The following NNAT variants were observed in gnomAD, a reference collection of about 807,000 sequenced individuals.
NNAT encodes the protein neuronatin.
A neutral mutation model predicts 12.7 loss-of-function variants in NNAT; 8 were observed. The ratio of observed to expected loss-of-function variants is 0.63; its 90% CI spans 0.37 to 1.14. NNAT has a LOEUF of 1.14. Ranked by LOEUF, NNAT falls within the 50% of genes most tolerant of loss-of-function variation. The pLI, the probability that NNAT is intolerant of heterozygous loss-of-function variation, is 0.01. For synonymous variants in NNAT, 52 were observed against 48.5 expected (o/e 1.07, Z -0.30); for missense variants, 94 against 108.3 (o/e 0.87, Z 0.59).
rs1451844191 is a variant in NNAT at position 37,522,458 on chromosome 20, C to A, written c.153+20C>A. On this transcript the variant is annotated intron_variant, in intron 2 of 2. Coordinates refer to ENST00000649451, the MANE Select transcript of NNAT (RefSeq NM_005386.4). Reference sequence around the variant, plus strand: ...AGTGAGGTATACCTAAGTTGTGGGTCCAATCAGCTTGCCGCCATGCAGCTC... The same window carrying A: ...AGTGAGGTATACCTAAGTTGTGGGTACAATCAGCTTGCCGCCATGCAGCTC... 6.2e-7 allele frequency: 1 copy of A among 1,606,758 alleles called. No individual in the cohort carries two copies. Among genetic ancestry groups the A allele is most frequent in the East Asian group, 2.2e-5 (1 of 44,802 alleles).
rs1277192421 is a variant in NNAT at position 37,521,576 on chromosome 20, G to A, written c.72+173G>A. The A allele has an allele frequency of 9.0e-6, 6 of 666,790 alleles. No homozygotes were observed. Among genetic ancestry groups the A allele is most frequent in the South Asian group, 1.8e-5 (1 of 56,818 alleles). 41.3% of individuals were successfully genotyped at this position (666,790 alleles called of 1,614,324 possible). On this transcript the variant is annotated intron_variant, in intron 1 of 2. Coordinates refer to ENST00000649451, the MANE Select transcript of NNAT (RefSeq NM_005386.4). This position sits in a 1 kb window ranked among gnomAD's most constrained non-coding sequence, Gnocchi z 4.5. ...GCGCCCCCTGCCCATTCCCTGCGCC[G>A]TCCTCCTCGCGCTGACCCTCCCTAG... is the stretch of plus-strand genomic sequence containing the variant.
rs1601091813 is a variant in NNAT at position 37,521,699 on chromosome 20, C to T, written c.72+296C>T. ...TTAGCGACCTACGCGGTAAGAAAAA[C>T]CCGCTACACCCGGACTCGACCCCAG... On this transcript the variant is annotated intron_variant, in intron 1 of 2. Transcript: ENST00000649451. The surrounding 1 kb of genome is among the most constrained non-coding windows in gnomAD (Gnocchi z 4.5). 1 of 383,948 alleles carries T rather than the reference C, an allele frequency of 2.6e-6. No homozygotes were observed. The highest frequency in any genetic ancestry group is 5.3e-5 in the East Asian group (1 of 19,046). 23.8% of individuals were successfully genotyped at this position (383,948 alleles called of 1,614,324 possible). A position where few individuals can be genotyped will look rare whatever the true frequency, so the allele number is the denominator to read the frequency against.
rs1188321079 is a variant in NNAT, at chr20:37,522,720, G to C, written c.207G>C (p.Arg69=). The change falls in exon 3 of 3, where the codon CGG becomes CGC. Residue 69 remains arginine (R), a synonymous_variant. Transcript: ENST00000649451. ...CATACACGGTGTCGCGGACCGGGCG[G>C]CAGGTGTTGGGGGAGCGCAGGCAGC... ...KLAYTVSRTG[R]QVLGERRQRA... is the part of the protein sequence containing the mutation. 8.1e-6 allele frequency: 13 copies of C among 1,611,646 alleles called. No homozygotes were observed. In the Admixed American group the frequency reaches 1.5e-4, roughly 19 times the overall value.
Position 37,522,944 on chromosome 20 carries a change from C to A in NNAT, c.*185C>A. On this transcript the variant is annotated 3_prime_UTR_variant, in exon 3 of 3. Coordinates refer to ENST00000649451, the MANE Select transcript of NNAT (RefSeq NM_005386.4). ...AGCAGTACCGACAATGACGAAGATA[C>A]CAGATCCCTTCCCAACCCCTTTGCA... is the stretch of plus-strand genomic sequence containing the variant. 1.7e-6 allele frequency: 1 copy of A among 580,258 alleles called. No individual in the cohort carries two copies. The highest frequency in any genetic ancestry group is 2.9e-5 in the East Asian group (1 of 34,840). 35.9% of individuals were successfully genotyped at this position (580,258 alleles called of 1,614,324 possible).
chr20:37,521,402 AG>A lies in NNAT; in HGVS notation c.72+1del. On this transcript the variant is annotated frameshift_variant and splice_region_variant, in exon 1 of 3. Transcript: ENST00000649451. LOFTEE classifies it high-confidence loss of function. The surrounding 1 kb of genome is among the most constrained non-coding windows in gnomAD (Gnocchi z 4.5). ...IGWYIFRVLL[Q>X]VFLECCIYWV... ...TGGTACATCTTCCGCGTGCTGCTGCAGGTAAGTCTGACGGGGTTTCGGGTGG... is the reference window on the plus strand; with the variant it reads ...TGGTACATCTTCCGCGTGCTGCTGCAGTAAGTCTGACGGGGTTTCGGGTGG... 6.2e-7 allele frequency: 1 copy of A among 1,614,082 alleles called. No individual in the cohort carries two copies. Among genetic ancestry groups the A allele is most frequent in the Middle Eastern group, 1.7e-4 (1 of 6,060 alleles).
chr20:37,522,739 A>C lies in NNAT; in HGVS notation c.226A>C (p.Arg76=), dbSNP rs780016304. 6.2e-7 allele frequency: 1 copy of C among 1,607,568 alleles called. No homozygotes were observed. The highest frequency in any genetic ancestry group is 1.1e-5 in the South Asian group (1 of 90,156). ...RTGRQVLGER[R]QRAPN is the part of the protein sequence containing the mutation. ...CGGGCGGCAGGTGTTGGGGGAGCGC[A>C]GGCAGCGAGCCCCCAACTGAGGCCC... The change falls in exon 3 of 3, where the codon AGG becomes CGG. Residue 76 remains arginine (R), a synonymous_variant. Coordinates refer to ENST00000649451, the MANE Select transcript of NNAT (RefSeq NM_005386.4).
chr20:37,522,242 A>T (rs1054402686), intron 1 of NNAT, 116 bp from the exon 2 acceptor site: 4 of 587,062 alleles, frequency 6.8e-6, no homozygotes, highest in Non-Finnish European at 1.2e-5. Context: ...GTAAAAAGAG[A>T]TAAATCAGAA....
At position 37,521,750 on chromosome 20, in the gene NNAT, G is replaced by T. The variant is rs2071583401; in HGVS notation, c.72+347G>T. On this transcript the variant is annotated intron_variant, in intron 1 of 2. Transcript: ENST00000649451. The surrounding 1 kb of genome is among the most constrained non-coding windows in gnomAD (Gnocchi z 4.5). ...GAGGGAGGCGGGGCACTACTGTGTTGAAAGACTTTACAGCTCGCAGAGTGA... is the reference window on the plus strand; with the variant it reads ...GAGGGAGGCGGGGCACTACTGTGTTTAAAGACTTTACAGCTCGCAGAGTGA... The T allele has an allele frequency of 1.3e-5, 3 of 227,932 alleles. No individual in the cohort carries two copies. In the Admixed American group the frequency reaches 1.6e-4, roughly 12 times the overall value. The allele number at this position is 227,932 out of a possible 1,614,324, so 14.1% of individuals were successfully genotyped here.
chr20:37,522,916 A>G lies in NNAT; in HGVS notation c.*157A>G, dbSNP rs948388280. On this transcript the variant is annotated 3_prime_UTR_variant, in exon 3 of 3. Coordinates refer to ENST00000649451, the MANE Select transcript of NNAT (RefSeq NM_005386.4). Reference sequence around the variant, plus strand: ...CAGTGAGGGGCCAGTAGACCCCCGGAGAAGCAGTACCGACAATGACGAAGA... The same window carrying G: ...CAGTGAGGGGCCAGTAGACCCCCGGGGAAGCAGTACCGACAATGACGAAGA... 34 of 610,810 alleles carry G rather than the reference A, an allele frequency of 5.6e-5. No individual in the cohort carries two copies. The highest frequency in any genetic ancestry group is 5.4e-5 in the Non-Finnish European group (19 of 351,586). 37.8% of individuals were successfully genotyped at this position (610,810 alleles called of 1,614,324 possible). A position where few individuals can be genotyped will look rare whatever the true frequency, so the allele number is the denominator to read the frequency against.
chr20:37,522,281 C>A, intron 1 of NNAT, 77 bp from the exon 2 acceptor site: 1 of 1,196,240 alleles, frequency 8.4e-7, no homozygotes. Context: ...AAATCATTTA[C>A]CCTAAAAGCT....
rs779906209 is a variant in NNAT at position 37,522,733 on chromosome 20, G to A, written c.220G>A (p.Glu74Lys). The stretch of plus-strand genomic sequence containing the variant: ...GCGGACCGGGCGGCAGGTGTTGGGG[G>A]AGCGCAGGCAGCGAGCCCCCAACTG... ...VSRTGRQVLG[E>K]RRQRAPN Residue 74 changes from glutamate (E) to lysine (K), a missense_variant, in exon 3 of 3, where the codon GAG (glutamate) becomes AAG (lysine). Glu to Lys is a moderately conservative substitution (Grantham distance 56, BLOSUM62 1). Coordinates refer to ENST00000649451, the MANE Select transcript of NNAT (RefSeq NM_005386.4). 2.9e-5 allele frequency: 47 copies of A among 1,609,756 alleles called. 1 individual carries two copies. In the Admixed American group the frequency reaches 7.5e-4, roughly 26 times the overall value.
Position 37,522,396 on chromosome 20 carries a change from T to C in NNAT, c.111T>C (p.Ala37=), listed in dbSNP as rs1214970712. Residue 37 remains alanine (A), a synonymous_variant, in exon 2 of 3, where the codon GCT becomes GCC. Coordinates refer to ENST00000649451, the MANE Select transcript of NNAT (RefSeq NM_005386.4). The stretch of plus-strand genomic sequence containing the variant: ...GCTGCATTTACTGGGTAGGATTCGC[T>C]TTTCGAAATCCTCCAGGGACACAGC... The part of the protein sequence containing the change: ...LECCIYWVGF[A]FRNPPGTQPI... 1.2e-6 allele frequency: 2 copies of C among 1,613,900 alleles called. No homozygotes were observed. The highest frequency in any genetic ancestry group is 3.3e-5 in the Admixed American group (2 of 59,994).
chr20:37,521,277 C>G lies in NNAT; in HGVS notation c.-55C>G. 1.3e-6 allele frequency: 2 copies of G among 1,581,840 alleles called. No homozygotes were observed. The highest frequency in any genetic ancestry group is 8.7e-7 in the Non-Finnish European group (1 of 1,151,076). ...TGCGCCCAACAGCGGACTCCGAGAC[C>G]AGCGGATCTCGGCAAACCCTCTTTC... On this transcript the variant is annotated 5_prime_UTR_variant, in exon 1 of 3. Transcript: ENST00000649451. This position sits in a 1 kb window ranked among gnomAD's most constrained non-coding sequence, Gnocchi z 4.5.
In NNAT at chr20:37,521,256, C is replaced by G; in HGVS notation, c.-76C>G. Reference sequence around the variant, plus strand: ...CGGCCACCGCGGCTGCGGCAGTGCGCCCAACAGCGGACTCCGAGACCAGCG... The same window carrying G: ...CGGCCACCGCGGCTGCGGCAGTGCGGCCAACAGCGGACTCCGAGACCAGCG... On this transcript the variant is annotated 5_prime_UTR_variant, in exon 1 of 3. Transcript: ENST00000649451. This position sits in a 1 kb window ranked among gnomAD's most constrained non-coding sequence, Gnocchi z 4.5. The G allele has an allele frequency of 6.7e-7, 1 of 1,502,322 alleles. No homozygotes were observed. The highest frequency in any genetic ancestry group is 1.7e-5 in the Admixed American group (1 of 59,668). 93.1% of individuals were successfully genotyped at this position (1,502,322 alleles called of 1,614,324 possible). A position where few individuals can be genotyped will look rare whatever the true frequency, so the allele number is the denominator to read the frequency against.
Position 37,521,438 on chromosome 20 carries a change from C to A in NNAT, c.72+35C>A. 1.2e-6 allele frequency: 2 copies of A among 1,600,360 alleles called. No individual in the cohort carries two copies. Among genetic ancestry groups the A allele is most frequent in the Non-Finnish European group, 1.7e-6 (2 of 1,167,390 alleles). ...ACGGGGTTTCGGGTGGGAGAGGGTT[C>A]CCAACTCGCGCCCCTAGAACCCGCA... On this transcript the variant is annotated intron_variant, in intron 1 of 2. Transcript: ENST00000649451. This position sits in a 1 kb window ranked among gnomAD's most constrained non-coding sequence, Gnocchi z 4.5.
rs1672067890 is a variant in NNAT, at chr20:37,522,986, G to A, written c.*227G>A. On this transcript the variant is annotated 3_prime_UTR_variant, in exon 3 of 3. Coordinates refer to ENST00000649451, the MANE Select transcript of NNAT (RefSeq NM_005386.4). Reference sequence around the variant, plus strand: ...CCCTTTGCACCGGTCCCACTAAGGGGCAGGGTCGAGAGAGGAGGGGGGATA... The same window carrying A: ...CCCTTTGCACCGGTCCCACTAAGGGACAGGGTCGAGAGAGGAGGGGGGATA... The A allele has an allele frequency of 4.1e-6, 2 of 489,382 alleles. No individual in the cohort carries two copies. The highest frequency in any genetic ancestry group is 3.7e-5 in the Admixed American group (1 of 27,050). 30.3% of individuals were successfully genotyped at this position (489,382 alleles called of 1,614,324 possible). A position where few individuals can be genotyped will look rare whatever the true frequency, so the allele number is the denominator to read the frequency against.
rs1341202559 is a variant in NNAT at position 37,522,717 on chromosome 20, G to A, written c.204G>A (p.Gly68=). The change falls in exon 3 of 3, where the codon GGG becomes GGA. Residue 68 remains glycine, a synonymous_variant. Transcript: ENST00000649451. ...QKLAYTVSRT[G]RQVLGERRQR... Reference sequence around the variant, plus strand: ...TGGCATACACGGTGTCGCGGACCGGGCGGCAGGTGTTGGGGGAGCGCAGGC... The same window carrying A: ...TGGCATACACGGTGTCGCGGACCGGACGGCAGGTGTTGGGGGAGCGCAGGC... 6.2e-7 allele frequency: 1 copy of A among 1,611,946 alleles called. No homozygotes were observed. The highest frequency in any genetic ancestry group is 8.5e-7 in the Non-Finnish European group (1 of 1,179,494).
At chr20:37,522,598 G>GGGGGGGGGGGGGGGGGGCCC in intron 2 of NNAT, 69 bp from the exon 3 acceptor site, 1 of 864,386 alleles carries the variant, frequency 1.2e-6, no homozygotes, top group Non-Finnish European at 1.7e-6. Flanking sequence ...GCGGGGGTGG[G>GGGGGGGGGGGGGGGGGGCCC]CACGGCAGCA....
In NNAT at chr20:37,521,582, C is replaced by T. The variant is rs377336324; in HGVS notation, c.72+179C>T. On this transcript the variant is annotated intron_variant, in intron 1 of 2. Transcript: ENST00000649451. This position sits in a 1 kb window ranked among gnomAD's most constrained non-coding sequence, Gnocchi z 4.5. ...CCTGCCCATTCCCTGCGCCGTCCTC[C>T]TCGCGCTGACCCTCCCTAGTGCGCC... 1.5e-5 allele frequency: 10 copies of T among 645,330 alleles called. No individual in the cohort carries two copies. The South Asian group carries it at 1.6e-4, about 11-fold the overall frequency. 40.0% of individuals were successfully genotyped at this position (645,330 alleles called of 1,614,324 possible).
Sources: allele counts gnomAD v4.1 joint callset, GRCh38; gene constraint gnomAD v4.1.1; non-coding constraint Gnocchi (gnomAD v3.1); transcripts MANE v1.5; gene names NCBI Gene and HGNC (gene_info 2026-07-23, HGNC 2026-07-21).